The following FBN3 variants were observed in gnomAD, a reference collection of about 807,000 sequenced individuals.
The protein encoded by FBN3 is fibrillin-3.
A neutral mutation model predicts 330.1 loss-of-function variants in FBN3; 234 were observed. The observed-to-expected ratio is 0.71, with a 90% CI of 0.64 to 0.79. The LOEUF (loss-of-function observed/expected upper bound fraction) is 0.79. Among genes scored for constraint, FBN3 ranks in the 30% least tolerant of loss-of-function variants. The pLI is 0.00. For synonymous variants in FBN3, 1,458 were observed against 1,517.3 expected, an observed-to-expected ratio of 0.96 and a Z score of 0.91; for missense variants, 3,606 against 3,886.9, an observed-to-expected ratio of 0.93 and a Z score of 1.92.
intron 18 of FBN3, among the ~76,000 whole-genome samples, chr19:8,128,437 G>A (rs1050578344): frequency 6.6e-6 from 1 of 152,052 alleles, no homozygotes; most frequent in Admixed American, 6.6e-5. Context: ...GGTGACGGAC[G>A]CCTGTAATCC....
chr19:8,134,330 C>T lies in FBN3; in HGVS notation c.1592-1224G>A, dbSNP rs1391506843. Among the ~76,000 whole-genome samples the T allele has an allele frequency of 4.6e-5, 7 of 152,260 alleles. No homozygotes were observed. The East Asian group carries it at 9.6e-4, about 21-fold the overall frequency. Reference sequence around the variant, plus strand: ...GCATTCACAGAAGCATTATGCCTAACAGCAAAAAGTGAAAACGAACCAGTG... The same window carrying T: ...GCATTCACAGAAGCATTATGCCTAATAGCAAAAAGTGAAAACGAACCAGTG... On this transcript the variant is annotated intron_variant, in intron 13 of 63. Coordinates refer to ENST00000600128, the MANE Select transcript of FBN3 (RefSeq NM_032447.5).
intron 12 of FBN3, 42 bp downstream of exon 12, chr19:8,136,148 C>G (rs191664314): frequency 6.2e-7 from 1 of 1,612,010 alleles, no homozygotes; most frequent in Non-Finnish European, 8.5e-7. Flanking sequence ...TGGGCCAGAA[C>G]CCCCAACAAC....
chr19:8,147,128 G>T lies in FBN3; in HGVS notation c.226C>A (p.Pro76Thr). 6.4e-7 allele frequency: 1 copy of T among 1,569,854 alleles called. No individual in the cohort carries two copies. ...CGTACGACACACTGGCTCCTGCCAG[G>T]GAATGTCCTCCAGCCTGGACAGCAG... is the stretch of plus-strand genomic sequence containing the variant. The part of the protein sequence containing the change: ...AYCCPGWRTF[P>T]GRSQCVVPIC... The change falls in exon 3 of 64, where the codon CCT becomes ACT. Residue 76 changes from proline (P) to threonine (T), a missense_variant. By Grantham distance (38) the Pro-to-Thr change is conservative. Transcript: ENST00000600128.
intron 1 of FBN3, among the ~76,000 whole-genome samples, chr19:8,147,970 A>T (rs1267060601): frequency 6.6e-6 from 1 of 152,114 alleles, no homozygotes; most frequent in East Asian, 1.9e-4. Flanking sequence ...GGGGCTGTCC[A>T]GATGGGAGAG....
At chr19:8,069,055 C>T (rs1014149012) in intron 63 of FBN3, among the ~76,000 whole-genome samples, 1 of 152,120 alleles carries the variant, frequency 6.6e-6, no homozygotes, top group Non-Finnish European at 1.5e-5. Context: ...GTGTTAGGAA[C>T]AAGGGCCTTT....
intron 24 of FBN3, among the ~76,000 whole-genome samples, chr19:8,122,039 G>A (rs191535586): frequency 1.6e-3 from 241 of 152,034 alleles, no homozygotes; most frequent in African/African-American, 5.5e-3. Flanking sequence ...GTGAGCCACT[G>A]AGCCTGGCCT....
chr19:8,128,871 A>ATG lies in FBN3; in HGVS notation c.2296+155_2296+156dup, dbSNP rs113153006. 9.4e-3 allele frequency among the ~76,000 whole-genome samples: 1,435 copies of ATG among 152,278 alleles called. 22 individuals carry two copies. Among genetic ancestry groups the ATG allele is most frequent in the African/African-American group, 0.031 (1,305 of 41,552 alleles). ...TGTGAGTATCTGAGCGTGTGCATAT[A>ATG]TGTGTGTGTGCACACTACATATAGC... On this transcript the variant is annotated intron_variant, in intron 18 of 63. Transcript: ENST00000600128.
At chr19:8,085,333 C>A (rs1465530969) in intron 56 of FBN3, 30 bp downstream of exon 56, 16 of 1,542,978 alleles carry the variant, frequency 1.0e-5, no homozygotes, top group Non-Finnish European at 3.5e-6. Context: ...TTCTTGCCTC[C>A]CTGGGGGTCC....
intron 10 of FBN3, among the ~76,000 whole-genome samples, chr19:8,137,626 T>TTATTTATG (rs2083319493): frequency 6.6e-6 from 1 of 151,460 alleles, no homozygotes; most frequent in Admixed American, 6.6e-5. Context: ...ATTTATTTAT[T>TTATTTATG]TATTTATTTA....
chr19:8,089,515 G>T lies in FBN3; in HGVS notation c.6376+30C>A, dbSNP rs753554962. On this transcript the variant is annotated intron_variant, in intron 51 of 63. Transcript: ENST00000600128. ...CCTTCCTGTCCTGGGAGGGGCCTGG[G>T]ACAGAGCTGGGGAAGGGCTGGCCAC... The T allele has an allele frequency of 2.5e-6, 4 of 1,613,218 alleles. No individual in the cohort carries two copies. The South Asian group carries it at 4.4e-5, about 18-fold the overall frequency.
chr19:8,075,059 C>CT lies in FBN3; in HGVS notation c.7702+11dup. 6.2e-7 allele frequency: 1 copy of CT among 1,603,056 alleles called. No homozygotes were observed. The highest frequency in any genetic ancestry group is 1.1e-5 in the South Asian group (1 of 89,756). ...TGGAGGGCCCAGCTTCTTCCCAGCCCTTTTCACTCACCCACACACTGGGCC... is the reference window on the plus strand; with the variant it reads ...TGGAGGGCCCAGCTTCTTCCCAGCCCTTTTTCACTCACCCACACACTGGGCC... On this transcript the variant is annotated intron_variant, in intron 61 of 63. Transcript: ENST00000600128.
Position 8,111,643 on chromosome 19 carries a change from C to T in FBN3, c.4084+5G>A, listed in dbSNP as rs748320295. On this transcript the variant is annotated splice_donor_5th_base_variant and intron_variant, in intron 32 of 63. Coordinates refer to ENST00000600128, the MANE Select transcript of FBN3 (RefSeq NM_032447.5). ...GCCCCTGCCCTCCCACCCCTCTAAT[C>T]TCACCTTCGCAGAAGAAGCCATCCC... The T allele has an allele frequency of 5.6e-6, 6 of 1,067,752 alleles. No homozygotes were observed. Among genetic ancestry groups the T allele is most frequent in the Middle Eastern group, 4.4e-4 (2 of 4,536 alleles). 66.1% of individuals were successfully genotyped at this position (1,067,752 alleles called of 1,614,324 possible). A position where few individuals can be genotyped will look rare whatever the true frequency, so the allele number is the denominator to read the frequency against.
Position 8,105,252 on chromosome 19 carries a change from CT to C in FBN3, c.4813+855del, listed in dbSNP as rs1035480353. Among the ~76,000 whole-genome samples the C allele has an allele frequency of 1.3e-4, 19 of 149,836 alleles. No individual in the cohort carries two copies. In the South Asian group the frequency reaches 3.4e-3, roughly 27 times the overall value. ...ACAAGCATGAGCCACTGTGCCCAGT[CT>C]TTTTTTTCTTTTTTTTTTTTTTAAG... is the stretch of plus-strand genomic sequence containing the variant. On this transcript the variant is annotated intron_variant, in intron 38 of 63. Transcript: ENST00000600128.
chr19:8,075,130 C>T lies in FBN3; in HGVS notation c.7643G>A (p.Gly2548Asp). 1.3e-6 allele frequency: 2 copies of T among 1,585,306 alleles called. No homozygotes were observed. Among genetic ancestry groups the T allele is most frequent in the Non-Finnish European group, 8.6e-7 (1 of 1,165,330 alleles). Residue 2548 changes from glycine to aspartate, a missense_variant, in exon 61 of 64, where the codon GGC becomes GAC. Coordinates refer to ENST00000600128, the MANE Select transcript of FBN3 (RefSeq NM_032447.5). ...CQHGCQNQLG[G>D]YRCSCPQGFT... ...ACCCTGGGGGCAGCTGCAGCGGTAGCCCCCTAGCTGGTTCTGACAGCCATG... is the reference window on the plus strand; with the variant it reads ...ACCCTGGGGGCAGCTGCAGCGGTAGTCCCCTAGCTGGTTCTGACAGCCATG...
chr19:8,135,935 T>TTGGGGGGGGGGGGGGGGGGGGGCGC, intron 13 of FBN3, 26 bp downstream of exon 13: 2 of 1,344,156 alleles, frequency 1.5e-6, no homozygotes, highest in Non-Finnish European at 2.0e-6. Context: ...CGGAAGCCCC[T>TTGGGGGGGGGGGGGGGGGGGGGCGC]GCCCACCCGC....
rs1157730188 is a variant in FBN3 at position 8,065,966 on chromosome 19, G to A, written c.8383C>T (p.Pro2795Ser). The change falls in exon 64 of 64, where the codon CCA (proline) becomes TCA (serine). Residue 2795 changes from proline (P) to serine (S), a missense_variant. Pro to Ser is a moderately conservative substitution (Grantham distance 74). Coordinates refer to ENST00000600128, the MANE Select transcript of FBN3 (RefSeq NM_032447.5). ...TTCAGCCTCAAGGCCTGGCCCCATG[G>A]CCCTGGCTGCCCCTCTGGCTGGACA... ...WGVQPEGQPGPWGQALRLKVQ... is the reference protein window; with the variant it reads ...WGVQPEGQPGSWGQALRLKVQ... The A allele has an allele frequency of 6.2e-7, 1 of 1,610,500 alleles. No homozygotes were observed. Among genetic ancestry groups the A allele is most frequent in the African/African-American group, 1.3e-5 (1 of 75,024 alleles).
At chr19:8,108,327 G>T in intron 36 of FBN3, 89 bp from the exon 37 acceptor site, 1 of 1,001,528 alleles carries the variant, frequency 1.0e-6, no homozygotes, top group Non-Finnish European at 1.5e-6. Context: ...CCTGAAAAGG[G>T]CTCAAGAGTG....
intron 10 of FBN3, among the ~76,000 whole-genome samples, chr19:8,137,230 G>A (rs1330769435): frequency 1.3e-5 from 2 of 149,328 alleles, no homozygotes; most frequent in Non-Finnish European, 3.0e-5. Context: ...TCTCCAACCT[G>A]GGGCTTAGAT....
Position 8,126,029 on chromosome 19 carries a change from G to C in FBN3, c.2606-12C>G. ...ACACTCGTTCACATCTGGGTAAGGAGGAGGGAAAGCCGGAGGGTCCAGGGA... is the reference window on the plus strand; with the variant it reads ...ACACTCGTTCACATCTGGGTAAGGACGAGGGAAAGCCGGAGGGTCCAGGGA... On this transcript the variant is annotated splice_polypyrimidine_tract_variant and intron_variant, in intron 21 of 63. Coordinates refer to ENST00000600128, the MANE Select transcript of FBN3 (RefSeq NM_032447.5). 5.6e-6 allele frequency: 9 copies of C among 1,613,894 alleles called. No homozygotes were observed. Among genetic ancestry groups the C allele is most frequent in the Non-Finnish European group, 7.6e-6 (9 of 1,179,994 alleles).
Sources: gnomAD v4.1 joint callset for allele counts (sites outside exome capture counted in the v4.1 genomes callset) on GRCh38, gnomAD v4.1.1 for gene constraint, MANE v1.5 for transcripts, NCBI Gene and HGNC (gene_info 2026-07-23, HGNC 2026-07-21) for gene names.